Variants in ADAMTS18 observed in about 807,000 individuals in gnomAD.
The protein encoded by ADAMTS18 is ADAM metallopeptidase with thrombospondin type 1 motif 18.
A neutral mutation model predicts 165.9 loss-of-function variants in ADAMTS18; 157 were observed. The observed-to-expected ratio is 0.95, with a 90% CI of 0.83 to 1.08. The LOEUF is 1.08. Ranked by LOEUF, ADAMTS18 falls within the 50% of genes least tolerant of loss-of-function variation. The pLI is 0.00. For missense variants in ADAMTS18, 2,040 were observed against 1,534.0 expected (o/e 1.33, Z -5.51); for synonymous variants, 782 against 578.2 (o/e 1.35, Z -5.06).
At chr16:77,374,371 G>A (rs564766434) in intron 3 of ADAMTS18, among the ~76,000 whole-genome samples, 9 of 152,166 alleles carry the variant, frequency 5.9e-5, no homozygotes, top group East Asian at 3.9e-4. Context: ...TATTTCAGAC[G>A]TGAAGCCATA....
intron 10 of ADAMTS18, among the ~76,000 whole-genome samples, chr16:77,348,695 G>A (rs990585257): frequency 6.6e-5 from 10 of 152,296 alleles, no homozygotes; most frequent in African/African-American, 2.4e-4. Flanking sequence ...ATGACATCCA[G>A]CACATGCTAG....
At chr16:77,413,104 T>A (rs1055704052) in intron 3 of ADAMTS18, among the ~76,000 whole-genome samples, 6 of 152,128 alleles carry the variant, frequency 3.9e-5, no homozygotes. Context: ...TATGCACCCA[T>A]TCATGCTCAT....
chr16:77,386,633 C>A (rs942609984), intron 3 of ADAMTS18, among the ~76,000 whole-genome samples: 2 of 152,158 alleles, frequency 1.3e-5, no homozygotes, highest in Non-Finnish European at 2.9e-5. Flanking sequence ...GAACATTTGA[C>A]TTTGTGACCC....
At chr16:77,308,440 C>A (rs1334481873) in intron 16 of ADAMTS18, among the ~76,000 whole-genome samples, 1 of 151,784 alleles carries the variant, frequency 6.6e-6, no homozygotes, top group African/African-American at 2.4e-5. Flanking sequence ...GAGAGAGATA[C>A]AGACAAAGAG....
At chr16:77,425,337 C>T (rs1177588805) in intron 3 of ADAMTS18, among the ~76,000 whole-genome samples, 1 of 152,132 alleles carries the variant, frequency 6.6e-6, no homozygotes, top group East Asian at 1.9e-4. Flanking sequence ...GGAGGGAGTT[C>T]TCATGGCAGC....
At chr16:77,402,535 A>C (rs1193450152) in intron 3 of ADAMTS18, among the ~76,000 whole-genome samples, 3 of 152,192 alleles carry the variant, frequency 2.0e-5, no homozygotes, top group East Asian at 3.9e-4. Context: ...GCGGTGGCCG[A>C]GATCACTAAT....
At chr16:77,360,293 C>T (rs1357506022) in intron 7 of ADAMTS18, among the ~76,000 whole-genome samples, 1 of 152,190 alleles carries the variant, frequency 6.6e-6, no homozygotes, top group Non-Finnish European at 1.5e-5. Flanking sequence ...TGCTATATGT[C>T]TATTATATAT....
At chr16:77,417,791 T>A (rs1044047896) in intron 3 of ADAMTS18, among the ~76,000 whole-genome samples, 1 of 152,188 alleles carries the variant, frequency 6.6e-6, no homozygotes, top group Non-Finnish European at 1.5e-5. Context: ...CCCAACTACA[T>A]ACAATAGATA....
At chr16:77,373,915 C>G (rs986036955) in intron 3 of ADAMTS18, among the ~76,000 whole-genome samples, 2 of 152,068 alleles carry the variant, frequency 1.3e-5, no homozygotes, top group African/African-American at 2.4e-5. Context: ...TTGTTATCAG[C>G]TAGTAAATAT....
intron 3 of ADAMTS18, among the ~76,000 whole-genome samples, chr16:77,389,727 G>A (rs910743026): frequency 6.6e-6 from 1 of 152,196 alleles, no homozygotes; most frequent in African/African-American, 2.4e-5. Context: ...GGTTAGCCAA[G>A]TGAACAAAGA....
At chr16:77,292,097 G>C (rs2055375059) in intron 20 of ADAMTS18, among the ~76,000 whole-genome samples, 1 of 152,122 alleles carries the variant, frequency 6.6e-6, no homozygotes, top group African/African-American at 2.4e-5. Context: ...CTTGAGCCCA[G>C]GAGTTCAAGA....
intron 21 of ADAMTS18, among the ~76,000 whole-genome samples, chr16:77,289,723 A>G (rs1003693721): frequency 6.6e-6 from 1 of 152,256 alleles, no homozygotes; most frequent in Non-Finnish European, 1.5e-5. Context: ...GCAGAAACAA[A>G]TACAGACACA....
chr16:77,414,942 A>G (rs1001467742), intron 3 of ADAMTS18, among the ~76,000 whole-genome samples: 8 of 152,246 alleles, frequency 5.3e-5, no homozygotes, highest in African/African-American at 1.9e-4. Flanking sequence ...AGACAGGCAC[A>G]TAATGTGCTC....
intron 3 of ADAMTS18, among the ~76,000 whole-genome samples, chr16:77,386,765 C>G (rs2057113544): frequency 6.6e-6 from 1 of 152,106 alleles, no homozygotes; most frequent in Admixed American, 6.6e-5. Context: ...GCTAAGAAAT[C>G]CATATATACC....
chr16:77,416,570 G>A (rs2057533158), intron 3 of ADAMTS18, among the ~76,000 whole-genome samples: 1 of 152,172 alleles, frequency 6.6e-6, no homozygotes, highest in African/African-American at 2.4e-5. Context: ...CATGTAAGAT[G>A]TGCTTTTGCT....
chr16:77,403,805 C>G (rs1177765168), intron 3 of ADAMTS18, among the ~76,000 whole-genome samples: 4 of 152,106 alleles, frequency 2.6e-5, no homozygotes, highest in African/African-American at 7.2e-5. Flanking sequence ...GACAAATAAC[C>G]AAGGAATCAC....
intron 3 of ADAMTS18, among the ~76,000 whole-genome samples, chr16:77,422,090 T>C (rs1037016742): frequency 1.3e-5 from 2 of 152,108 alleles, no homozygotes; most frequent in Admixed American, 6.5e-5. Flanking sequence ...CCAAAAACTA[T>C]GCAGCCCTCA....
chr16:77,420,689 G>C (rs2057590337), intron 3 of ADAMTS18, among the ~76,000 whole-genome samples: 1 of 152,218 alleles, frequency 6.6e-6, no homozygotes, highest in Admixed American at 6.5e-5. Flanking sequence ...ACAAGATGTA[G>C]AGATATTCAT....
intron 3 of ADAMTS18, among the ~76,000 whole-genome samples, chr16:77,371,160 G>A (rs1160393086): frequency 6.6e-6 from 1 of 151,722 alleles, no homozygotes; most frequent in Non-Finnish European, 1.5e-5. Flanking sequence ...GGCTGCAGTG[G>A]GCCGAAATCA....
Sources: allele counts gnomAD v4.1 joint callset (sites outside exome capture counted in the v4.1 genomes callset), GRCh38; gene constraint gnomAD v4.1.1; transcripts MANE v1.5; gene names NCBI Gene and HGNC (gene_info 2026-07-23, HGNC 2026-07-21).